TFEC: variants seen among roughly 807,000 people sequenced by gnomAD.
TFEC encodes class E basic helix-loop-helix protein 34.
In TFEC, 31 loss-of-function variants were observed where a neutral mutation model predicts 41.6. The observed-to-expected ratio is 0.74, with a 90% CI of 0.56 to 1.01. The LOEUF (loss-of-function observed/expected upper bound fraction) is 1.01, where lower values mean the gene tolerates loss of function less well. Among genes scored for constraint, TFEC ranks in the 50% least tolerant of loss-of-function variants. TFEC has a pLI of 0.00. For synonymous variants in TFEC, 143 were observed against 140.6 expected (o/e 1.02, Z -0.12); for missense variants, 402 against 404.1 (o/e 0.99, Z 0.04).
intron 1 of TFEC, among the ~76,000 whole-genome samples, chr7:115,991,310 G>GC (rs1366473591): frequency 2.0e-5 from 3 of 152,160 alleles, no homozygotes; most frequent in African/African-American, 7.2e-5. Flanking sequence ...GGAAGAAACT[G>GC]CATCAACTAA....
chr7:115,982,799 A>G (rs1793686878), intron 2 of TFEC, among the ~76,000 whole-genome samples: 1 of 152,200 alleles, frequency 6.6e-6, no homozygotes, highest in African/African-American at 2.4e-5. Flanking sequence ...TTTTCTTTAT[A>G]TATACAAACT....
intron 6 of TFEC, among the ~76,000 whole-genome samples, chr7:115,948,033 A>G (rs369923912): frequency 6.6e-5 from 10 of 152,336 alleles, no homozygotes; most frequent in Admixed American, 6.5e-4. Flanking sequence ...CTGATCCCAC[A>G]GAAATACAAA....
At chr7:116,146,282 G>A (rs1272087735) in intron 1 of TFEC, among the ~76,000 whole-genome samples, 1 of 152,150 alleles carries the variant, frequency 6.6e-6, no homozygotes. Flanking sequence ...GTTTCCACTT[G>A]AGGGATGACA....
At chr7:116,020,624 G>A (rs547934225) in intron 1 of TFEC, among the ~76,000 whole-genome samples, 9 of 152,106 alleles carry the variant, frequency 5.9e-5, no homozygotes, top group South Asian at 2.1e-4. Context: ...TTTCCTTGTC[G>A]TAATCACACA....
At position 116,098,159 on chromosome 7, in the gene TFEC, CT is replaced by C. The variant is rs199939079; in HGVS notation, c.198+12548del. On this transcript the variant is annotated intron_variant, in intron 3 of 8. Coordinates refer to the TFEC transcript ENST00000484212. The stretch of plus-strand genomic sequence containing the variant: ...AAAAGATATACTATGCAAACATTAA[CT>C]TTTTTTTTCTTTTTTTTGAGACGGA... 2.4e-3 allele frequency among the ~76,000 whole-genome samples: 371 copies of C among 151,562 alleles called. 4 individuals are homozygous for C. The highest frequency in any genetic ancestry group is 9.7e-4 in the East Asian group (5 of 5,176).
intron 1 of TFEC, among the ~76,000 whole-genome samples, chr7:116,000,880 G>T (rs1196687930): frequency 1.3e-5 from 2 of 151,098 alleles, no homozygotes; most frequent in Non-Finnish European, 2.9e-5. Context: ...ATTACCTAAA[G>T]CAATCTACAG....
At chr7:116,108,452 A>C (rs1299936160) in intron 3 of TFEC, among the ~76,000 whole-genome samples, 1 of 152,100 alleles carries the variant, frequency 6.6e-6, no homozygotes, top group Non-Finnish European at 1.5e-5. Flanking sequence ...CATCGAATTT[A>C]TTTATTTCCC....
chr7:115,949,426 ATCACAC>A (rs930638509), intron 6 of TFEC, among the ~76,000 whole-genome samples: 1 of 152,208 alleles, frequency 6.6e-6, no homozygotes, highest in Admixed American at 6.5e-5. Context: ...AGCTGGAGGC[ATCACAC>A]TACCTTACTT....
At chr7:116,033,839 T>A (rs367977398), upstream of TFEC, among the ~76,000 whole-genome samples, 5 of 152,256 alleles carry the variant, frequency 3.3e-5, no homozygotes, top group African/African-American at 1.2e-4. Context: ...CACCAGATGT[T>A]ACTCCATTTC....
Position 115,939,264 on chromosome 7 carries a change from A to T in TFEC, c.*1287T>A, listed in dbSNP as rs541059253. ...TCTGAGTATGCCTCCATGAATACTC[A>T]TTGATCGGATGATCACTCTTGGAGG... On this transcript the variant is annotated 3_prime_UTR_variant, in exon 8 of 8. Coordinates refer to ENST00000265440, the MANE Select transcript of TFEC (RefSeq NM_012252.4). 91 of 152,106 alleles carry T rather than the reference A, an allele frequency of 6.0e-4. No homozygotes were observed. The highest frequency in any genetic ancestry group is 2.1e-3 in the African/African-American group (89 of 41,522). The allele number at this position is 152,106 out of a possible 1,614,324, so 9.4% of individuals were successfully genotyped here. A position where few individuals can be genotyped will look rare whatever the true frequency, so the allele number is the denominator to read the frequency against.
intron 5 of TFEC, among the ~76,000 whole-genome samples, chr7:115,953,723 C>A (rs1006530891): frequency 9.9e-5 from 15 of 152,060 alleles, no homozygotes; most frequent in African/African-American, 3.4e-4. Flanking sequence ...ACTGTTATGA[C>A]CATGTGCCAG....
chr7:116,023,967 A>T (rs1423408350), intron 1 of TFEC, among the ~76,000 whole-genome samples: 1 of 152,140 alleles, frequency 6.6e-6, no homozygotes, highest in Non-Finnish European at 1.5e-5. Flanking sequence ...TTTTTAGTGG[A>T]GACCTGGCCT....
At chr7:116,004,622 A>G (rs1402190094) in intron 1 of TFEC, among the ~76,000 whole-genome samples, 1 of 152,216 alleles carries the variant, frequency 6.6e-6, no homozygotes, top group Non-Finnish European at 1.5e-5. Context: ...CCTAAAAAAT[A>G]CAGTCCAATA....
At chr7:116,102,180 G>A (rs771742624) in intron 3 of TFEC, among the ~76,000 whole-genome samples, 22 of 152,144 alleles carry the variant, frequency 1.4e-4, no homozygotes, top group East Asian at 1.2e-3. Flanking sequence ...AGTATAATGC[G>A]GGAGAAATTG....
chr7:116,110,711 G>T, exon 3 of TFEC: 1 of 1,505,560 alleles, frequency 6.6e-7, no homozygotes, highest in Non-Finnish European at 8.9e-7. Context: ...TACATACCCT[G>T]GTAAAGGATG....
At chr7:115,986,261 C>T (rs991659007) in intron 1 of TFEC, among the ~76,000 whole-genome samples, 1 of 152,070 alleles carries the variant, frequency 6.6e-6, no homozygotes, top group Non-Finnish European at 1.5e-5. Flanking sequence ...AAACAATTTA[C>T]ATATATTATC....
intron 3 of TFEC, among the ~76,000 whole-genome samples, chr7:116,062,599 A>ATATATATC (rs1400618373): frequency 1.7e-5 from 2 of 119,984 alleles, no homozygotes; most frequent in South Asian, 5.1e-4. Flanking sequence ...ATATATATAT[A>ATATATATC]TCACATTTTT....
chr7:116,057,286 T>C (rs1294453839), intron 3 of TFEC, among the ~76,000 whole-genome samples: 1 of 151,992 alleles, frequency 6.6e-6, no homozygotes, highest in Non-Finnish European at 1.5e-5. Flanking sequence ...TGATGAAAAC[T>C]ATAAATCCAT....
chr7:115,964,075 G>T (rs1461743008), intron 3 of TFEC, among the ~76,000 whole-genome samples: 3 of 151,356 alleles, frequency 2.0e-5, no homozygotes, highest in Non-Finnish European at 4.4e-5. Context: ...TACCCACATT[G>T]GAAATAAATA....
Sources: allele counts gnomAD v4.1 joint callset (sites outside exome capture counted in the v4.1 genomes callset), GRCh38; gene constraint gnomAD v4.1.1; transcripts MANE v1.5; gene names NCBI Gene and HGNC (gene_info 2026-07-23, HGNC 2026-07-21).